NEGR1: variants seen among roughly 807,000 people sequenced by gnomAD.
NEGR1 encodes IgLON family member 4.
In NEGR1, 10 loss-of-function variants were observed where a neutral mutation model predicts 40.9. That is an observed-to-expected ratio of 0.24 (90% CI 0.15 to 0.42). The LOEUF (loss-of-function observed/expected upper bound fraction) is 0.42, where lower values mean the gene tolerates loss of function less well. Among genes scored for constraint, NEGR1 ranks in the 10% least tolerant of loss-of-function variants. NEGR1 has a pLI of 1.00. For synonymous variants in NEGR1, 185 were observed against 166.8 expected (o/e 1.11, Z -0.84); for missense variants, 352 against 438.9 (o/e 0.80, Z 1.77).
chr1:72,199,219 T>G (rs569438055), intron 1 of NEGR1, among the ~76,000 whole-genome samples: 1 of 150,194 alleles, frequency 6.7e-6, no homozygotes, highest in East Asian at 2.0e-4. Flanking sequence ...CTGCATAACA[T>G]GTATACTGTA....
intron 1 of NEGR1, among the ~76,000 whole-genome samples, chr1:72,065,472 GACAA>G (rs931686624): frequency 2.0e-5 from 3 of 151,950 alleles, no homozygotes; most frequent in Non-Finnish European, 4.4e-5. Context: ...ATTTGAAATA[GACAA>G]ACAAACAAAC....
At chr1:72,049,210 A>G in intron 1 of NEGR1, among the ~76,000 whole-genome samples, 1 of 151,510 alleles carries the variant, frequency 6.6e-6, no homozygotes, top group African/African-American at 2.4e-5. Context: ...GTGTAGTGAC[A>G]TACGCCTGTG....
intron 6 of NEGR1, among the ~76,000 whole-genome samples, chr1:71,558,182 C>T (rs1173003325): frequency 6.6e-6 from 1 of 151,300 alleles, no homozygotes; most frequent in Non-Finnish European, 1.5e-5. Context: ...TTTCTTTTTC[C>T]ATACTCTACT....
Position 71,401,795 on chromosome 1 carries a change from G to C in NEGR1, c.*5651C>G, listed in dbSNP as rs1646248190. On this transcript the variant is annotated 3_prime_UTR_variant, in exon 7 of 7. Transcript: ENST00000357731. Reference sequence around the variant, plus strand: ...TTTGCAAAATGCTATACAAAAAGAAGATACATGCGATTATGACAAGATTCT... The same window carrying C: ...TTTGCAAAATGCTATACAAAAAGAACATACATGCGATTATGACAAGATTCT... The C allele has an allele frequency of 6.6e-6, 1 of 152,086 alleles. No homozygotes were observed. The highest frequency in any genetic ancestry group is 1.5e-5 in the Non-Finnish European group (1 of 68,026). The allele number at this position is 152,086 out of a possible 1,614,324, so 9.4% of individuals were successfully genotyped here. A position where few individuals can be genotyped will look rare whatever the true frequency, so the allele number is the denominator to read the frequency against.
At chr1:71,666,651 C>T (rs1652252379) in intron 4 of NEGR1, among the ~76,000 whole-genome samples, 1 of 152,146 alleles carries the variant, frequency 6.6e-6, no homozygotes, top group African/African-American at 2.4e-5. Context: ...GCAGTGTTAA[C>T]TACTCAGTAG....
chr1:72,144,262 T>A (rs1416014759), intron 1 of NEGR1, among the ~76,000 whole-genome samples: 1 of 151,588 alleles, frequency 6.6e-6, no homozygotes, highest in Non-Finnish European at 1.5e-5. Context: ...AAACAGATAG[T>A]TATTGATTAG....
chr1:71,520,775 A>G (rs1163255998), intron 6 of NEGR1, among the ~76,000 whole-genome samples: 2 of 152,020 alleles, frequency 1.3e-5, no homozygotes, highest in Non-Finnish European at 2.9e-5. Flanking sequence ...TGTCATAGGC[A>G]TGGCTGGGGC....
intron 2 of NEGR1, among the ~76,000 whole-genome samples, chr1:71,894,987 T>C (rs2101855316): frequency 6.6e-6 from 1 of 152,272 alleles, no homozygotes; most frequent in African/African-American, 2.4e-5. Flanking sequence ...ATACACAATT[T>C]ACTAACATTT....
At chr1:72,176,762 C>G (rs1313457899) in intron 1 of NEGR1, among the ~76,000 whole-genome samples, 1 of 151,948 alleles carries the variant, frequency 6.6e-6, no homozygotes, top group Non-Finnish European at 1.5e-5. Flanking sequence ...TAAGCAGGAA[C>G]AAATCATGGG....
intron 6 of NEGR1, among the ~76,000 whole-genome samples, chr1:71,566,764 C>T (rs1282576476): frequency 1.3e-5 from 2 of 152,096 alleles, no homozygotes; most frequent in Non-Finnish European, 2.9e-5. Context: ...TAAGAGGACA[C>T]CATAGACTGG....
intron 2 of NEGR1, among the ~76,000 whole-genome samples, chr1:71,863,924 T>C (rs1660028388): frequency 6.6e-6 from 1 of 152,154 alleles, no homozygotes; most frequent in Non-Finnish European, 1.5e-5. Flanking sequence ...TCTTATTGAA[T>C]CTTTCCACAA....
chr1:72,166,081 T>A (rs1413268960), intron 1 of NEGR1, among the ~76,000 whole-genome samples: 1 of 152,022 alleles, frequency 6.6e-6, no homozygotes, highest in African/African-American at 2.4e-5. Context: ...TTTATCTCCT[T>A]TTATCTATGT....
chr1:71,604,142 C>T (rs574797764), intron 5 of NEGR1, among the ~76,000 whole-genome samples: 2 of 152,202 alleles, frequency 1.3e-5, no homozygotes, highest in South Asian at 2.1e-4. Context: ...GTAAGTCATG[C>T]CGTTTAATTA....
At chr1:72,227,515 C>T (rs551705519) in intron 1 of NEGR1, among the ~76,000 whole-genome samples, 16 of 151,942 alleles carry the variant, frequency 1.1e-4, no homozygotes, top group Non-Finnish European at 2.1e-4. Flanking sequence ...AAACAGCAGA[C>T]GGTGAGGAGG....
intron 6 of NEGR1, among the ~76,000 whole-genome samples, chr1:71,482,347 A>G (rs1027508831): frequency 6.6e-6 from 1 of 151,834 alleles, no homozygotes; most frequent in African/African-American, 2.4e-5. Flanking sequence ...TAGCAGGCAA[A>G]AAAAGCACCT....
rs1419075243 is a variant in NEGR1, at chr1:71,999,668, TATATATATATAC to T, written c.177-64369_177-64358del. 1.8e-3 allele frequency among the ~76,000 whole-genome samples: 90 copies of T among 49,508 alleles called. 8 individuals are homozygous for T. The highest frequency in any genetic ancestry group is 5.1e-3 in the African/African-American group (86 of 16,968). 32.5% of individuals were successfully genotyped at this position (49,508 alleles called of 152,430 possible). Reference sequence around the variant, plus strand: ...ATATATATATATATATATATATATATATATATATATACATACATATTTTTGTCCGGTCTCGGA... The same window carrying T: ...ATATATATATATATATATATATATATATACATATTTTTGTCCGGTCTCGGA... On this transcript the variant is annotated intron_variant, in intron 1 of 6. Coordinates refer to ENST00000357731, the MANE Select transcript of NEGR1 (RefSeq NM_173808.3).
chr1:71,790,882 T>C (rs2101735064), intron 2 of NEGR1, among the ~76,000 whole-genome samples: 1 of 152,162 alleles, frequency 6.6e-6, no homozygotes, highest in Non-Finnish European at 1.5e-5. Flanking sequence ...AGGGCCTGGC[T>C]ATTAGCAACT....
At chr1:72,264,456 C>T (rs993683580) in intron 1 of NEGR1, among the ~76,000 whole-genome samples, 10 of 150,542 alleles carry the variant, frequency 6.6e-5, no homozygotes, top group African/African-American at 2.4e-4. Context: ...TATCTTGATG[C>T]TATTTTAATG....
rs374904770 is a variant in NEGR1, at chr1:72,144,956, C to G, written c.176+137363G>C. Among the ~76,000 whole-genome samples the G allele has an allele frequency of 1.9e-3, 283 of 152,142 alleles. 12 individuals are homozygous for G. In the South Asian group the frequency reaches 0.055, roughly 30 times the overall value. On this transcript the variant is annotated intron_variant, in intron 1 of 6. Transcript: ENST00000357731. Reference sequence around the variant, plus strand: ...ACTCAGTCTCCAGGGCTTGCATTGTCCTTCCATATTCTGGATACCTTACCT... The same window carrying G: ...ACTCAGTCTCCAGGGCTTGCATTGTGCTTCCATATTCTGGATACCTTACCT...
Sources: gnomAD v4.1 joint callset for allele counts (sites outside exome capture counted in the v4.1 genomes callset) on GRCh38, gnomAD v4.1.1 for gene constraint, MANE v1.5 for transcripts, NCBI Gene and HGNC (gene_info 2026-07-23, HGNC 2026-07-21) for gene names.